The following RBM12B variants were observed in gnomAD, a reference collection of about 807,000 sequenced individuals.
RBM12B encodes the protein RNA binding motif protein 12B.
RBM12B carries 10 observed loss-of-function variants against 34.3 expected under a neutral mutation model. The observed-to-expected ratio is 0.29, with a 90% CI of 0.18 to 0.49. The LOEUF (loss-of-function observed/expected upper bound fraction) is 0.49, where lower values mean the gene tolerates loss of function less well. Among genes scored for constraint, RBM12B ranks in the 20% least tolerant of loss-of-function variants. The pLI, the probability that RBM12B is intolerant of heterozygous loss-of-function variation, is 0.99. For synonymous variants in RBM12B, 477 were observed against 437.1 expected, an observed-to-expected ratio of 1.09 and a Z score of -1.14; for missense variants, 1,139 against 1,262.7, an observed-to-expected ratio of 0.90 and a Z score of 1.48.
rs1178908084 is a variant in RBM12B at position 93,731,888 on chromosome 8, CTCTT to C, written c.*1513_*1516del. ...GGATAGAAAGAAACTTTTAAAGTCA[CTCTT>C]TTTTTTTTTATTAGTAATGTTAATG... On this transcript the variant is annotated 3_prime_UTR_variant, in exon 4 of 4. Transcript: ENST00000520560. 2.0e-5 allele frequency: 3 copies of C among 152,286 alleles called. No individual in the cohort carries two copies. The highest frequency in any genetic ancestry group is 2.0e-4 in the Admixed American group (3 of 15,240). The allele number at this position is 152,286 out of a possible 1,614,324, so 9.4% of individuals were successfully genotyped here. A position where few individuals can be genotyped will look rare whatever the true frequency, so the allele number is the denominator to read the frequency against.
In RBM12B at chr8:93,734,054, T is replaced by C. The variant is rs1004033113; in HGVS notation, c.2357A>G (p.His786Arg). ...PEHFRRPPQE[H>R]FRRPPQEHFR... The stretch of plus-strand genomic sequence containing the variant: ...ATGCTCCTGAGGCGGCCGCCTGAAA[T>C]GCTCCTGGGGCGGTCTCCGGAAGTG... Residue 786 changes from histidine to arginine, a missense_variant, in exon 4 of 4, where the codon CAT becomes CGT. Transcript: ENST00000520560. 2 of 1,591,546 alleles carry C rather than the reference T, an allele frequency of 1.3e-6. No homozygotes were observed. Among genetic ancestry groups the C allele is most frequent in the African/African-American group, 2.7e-5 (2 of 73,274 alleles).
chr8:93,740,189 A>G (rs73694909), intron 2 of RBM12B: 157 of 396,600 alleles, frequency 4.0e-4, no homozygotes, highest in African/African-American at 2.8e-3. Context: ...TAAAATAAAA[A>G]CCAAAGGAAT....
chr8:93,740,537 A>G (rs1360698015), intron 2 of RBM12B, 92 bp downstream of exon 2: 1 of 456,692 alleles, frequency 2.2e-6, no homozygotes, highest in Non-Finnish European at 4.4e-6. Flanking sequence ...ATCTAACTGA[A>G]AACACTTGCC....
At position 93,735,650 on chromosome 8, in the gene RBM12B, G is replaced by A. The variant is rs1230402595; in HGVS notation, c.761C>T (p.Ser254Phe). The A allele has an allele frequency of 3.7e-6, 6 of 1,613,950 alleles. No individual in the cohort carries two copies. Among genetic ancestry groups the A allele is most frequent in the Non-Finnish European group, 3.4e-6 (4 of 1,179,984 alleles). ...GDVLRRSEEH[S>F]PPRGINDRHF... The stretch of plus-strand genomic sequence containing the variant: ...TCTATCATTAATTCCTCTTGGTGGA[G>A]AATGTTCTTCAGATCTCCTAAGAAC... Residue 254 changes from serine (S) to phenylalanine (F), a missense_variant, in exon 4 of 4, where the codon TCT (serine) becomes TTT (phenylalanine). This residue lies in a region of RBM12B where 863 missense variants were observed against 869.5 expected (regional missense o/e 0.99). Coordinates refer to ENST00000520560, the MANE Select transcript of RBM12B (RefSeq NM_001377960.1).
intron 2 of RBM12B, 88 bp from the exon 3 acceptor site, chr8:93,737,443 A>G (rs1453962048): frequency 6.6e-6 from 1 of 152,228 alleles, no homozygotes; most frequent in Non-Finnish European, 1.5e-5. Flanking sequence ...TTTCAGAATT[A>G]CCTATCAAAA....
Position 93,728,253 on chromosome 8 carries a change from G to A in RBM12B, c.*5152C>T, listed in dbSNP as rs1811628112. ...GGATCAACAAGCAGAAGATGATGAG[G>A]ATGACGAGTTAGATGTTACAGAAGA... On this transcript the variant is annotated 3_prime_UTR_variant, in exon 4 of 4. Transcript: ENST00000520560. The A allele has an allele frequency of 1.3e-6, 2 of 1,598,436 alleles. No homozygotes were observed. The highest frequency in any genetic ancestry group is 1.4e-5 in the African/African-American group (1 of 73,500).
At position 93,735,952 on chromosome 8, in the gene RBM12B, C is replaced by A. The variant is rs761009205; in HGVS notation, c.459G>T (p.Glu153Asp). The A allele has an allele frequency of 1.6e-5, 26 of 1,614,208 alleles. No individual in the cohort carries two copies. In the South Asian group the frequency reaches 2.6e-4, roughly 16 times the overall value. ...RPRKTRPLKA[E>D]NPYLFLRGLP... ...AACCTCGTAGAAACAAGTAAGGATT[C>A]TCGGCCTTCAATGGCCTTGTCTTTC... is the stretch of plus-strand genomic sequence containing the variant. The change falls in exon 4 of 4, where the codon GAG (glutamate) becomes GAT (aspartate). Residue 153 changes from glutamate to aspartate, a missense_variant. By Grantham distance (45) the Glu-to-Asp change is conservative. Around this residue, in one of 3 missense-constraint regions of RBM12B, gnomAD observed 216 missense variants for 292.2 expected, o/e 0.74. Transcript: ENST00000520560.
Position 93,734,783 on chromosome 8 carries a change from G to T in RBM12B, c.1628C>A (p.Pro543His), listed in dbSNP as rs372481108. The T allele has an allele frequency of 1.9e-6, 3 of 1,614,136 alleles. No individual in the cohort carries two copies. The highest frequency in any genetic ancestry group is 2.5e-6 in the Non-Finnish European group (3 of 1,180,012). The change falls in exon 4 of 4, where the codon CCC (proline) becomes CAC (histidine). Residue 543 changes from proline to histidine, a missense_variant. Coordinates refer to ENST00000520560, the MANE Select transcript of RBM12B (RefSeq NM_001377960.1). The part of the protein sequence containing the change: ...DLRQLDNFKH[P>H]QRDFRQPDRH... Reference sequence around the variant, plus strand: ...GTCAGGCTGCCGGAAATCCCTCTGGGGATGCTTGAAGTTATCCAGTTGCCT... The same window carrying T: ...GTCAGGCTGCCGGAAATCCCTCTGGTGATGCTTGAAGTTATCCAGTTGCCT...
At position 93,733,356 on chromosome 8, in the gene RBM12B, C is replaced by T. The variant is rs751301683; in HGVS notation, c.*49G>A. 2 of 1,381,268 alleles carry T rather than the reference C, an allele frequency of 1.4e-6. No homozygotes were observed. Among genetic ancestry groups the T allele is most frequent in the Admixed American group, 2.6e-5 (1 of 38,182 alleles). 85.6% of individuals were successfully genotyped at this position (1,381,268 alleles called of 1,614,324 possible). ...ACTTTTTTAAAACAAATGTATTTTA[C>T]TCCATCAATACTGCAAGGAAGATAA... is the stretch of plus-strand genomic sequence containing the variant. On this transcript the variant is annotated 3_prime_UTR_variant, in exon 4 of 4. Transcript: ENST00000520560.
At chr8:93,737,422 T>C (rs1159610594) in intron 2 of RBM12B, 67 bp from the exon 3 acceptor site, 2 of 152,120 alleles carry the variant, frequency 1.3e-5, no homozygotes, top group East Asian at 1.9e-4. Context: ...AACGCCAGAG[T>C]AGGATATCCA....
rs186884628 is a variant in RBM12B, at chr8:93,729,757, A to G, written c.*3648T>C. ...AAGACTATTATACAGGTAACTATGTAACCATGTAAGACTTAAGTACACTTA... is the reference window on the plus strand; with the variant it reads ...AAGACTATTATACAGGTAACTATGTGACCATGTAAGACTTAAGTACACTTA... On this transcript the variant is annotated 3_prime_UTR_variant, in exon 4 of 4. Coordinates refer to ENST00000520560, the MANE Select transcript of RBM12B (RefSeq NM_001377960.1). 1 of 152,326 alleles carries G rather than the reference A, an allele frequency of 6.6e-6. No homozygotes were observed. Among genetic ancestry groups the G allele is most frequent in the African/African-American group, 2.4e-5 (1 of 41,578 alleles). 9.4% of individuals were successfully genotyped at this position (152,326 alleles called of 1,614,324 possible). A position where few individuals can be genotyped will look rare whatever the true frequency, so the allele number is the denominator to read the frequency against.
At chr8:93,738,236 G>A (rs537478807) in intron 2 of RBM12B, among the ~76,000 whole-genome samples, 13 of 152,216 alleles carry the variant, frequency 8.5e-5, no homozygotes, top group African/African-American at 3.1e-4. Flanking sequence ...TATTAATAAT[G>A]CCAATAGCAG....
rs1025590694 is a variant in RBM12B at position 93,732,077 on chromosome 8, C to T, written c.*1328G>A. ...AAAAGTGAGGCAGCAAAAGCATGAA[C>T]TGGAGTCAGTGGTCTGTCTGGGTTA... On this transcript the variant is annotated 3_prime_UTR_variant, in exon 4 of 4. Transcript: ENST00000520560. 1 of 152,170 alleles carries T rather than the reference C, an allele frequency of 6.6e-6. No individual in the cohort carries two copies. The highest frequency in any genetic ancestry group is 6.5e-5 in the Admixed American group (1 of 15,280). The allele number at this position is 152,170 out of a possible 1,614,324, so 9.4% of individuals were successfully genotyped here.
At position 93,734,549 on chromosome 8, in the gene RBM12B, C is replaced by T; in HGVS notation, c.1862G>A (p.Arg621Lys). Residue 621 changes from arginine to lysine, a missense_variant, in exon 4 of 4, where the codon AGG becomes AAG. Arg to Lys is a conservative substitution (Grantham distance 26). Around this residue, in one of 3 missense-constraint regions of RBM12B, gnomAD observed 863 missense variants for 869.5 expected, o/e 0.99. Coordinates refer to ENST00000520560, the MANE Select transcript of RBM12B (RefSeq NM_001377960.1). ...FRHPREEDWR[R>K]PLEEDWRRPL... ...CCGCCTCCAGTCCTCCTCAAGGGGC[C>T]TCCTCCAGTCCTCCTCCCTAGGGTG... 2 of 1,613,252 alleles carry T rather than the reference C, an allele frequency of 1.2e-6. No homozygotes were observed. The highest frequency in any genetic ancestry group is 1.3e-5 in the African/African-American group (1 of 74,826).
Position 93,734,683 on chromosome 8 carries a change from T to TGGGGAGTGCCTGAAGTCCTCC in RBM12B, c.1707_1727dup (p.His574_Arg580dup). ...CCTCCCTAGGTCGCCTGAAGTCCTCTGGGGAGTGCCTGAAGTCCTCCGGGG... is the reference window on the plus strand; with the variant it reads ...CCTCCCTAGGTCGCCTGAAGTCCTCTGGGGAGTGCCTGAAGTCCTCCGGGGAGTGCCTGAAGTCCTCCGGGG... On this transcript the variant is annotated inframe_insertion, in exon 4 of 4. Transcript: ENST00000520560. 6.2e-7 allele frequency: 1 copy of TGGGGAGTGCCTGAAGTCCTCC among 1,612,808 alleles called. No homozygotes were observed. Among genetic ancestry groups the TGGGGAGTGCCTGAAGTCCTCC allele is most frequent in the Non-Finnish European group, 8.5e-7 (1 of 1,179,388 alleles).
At chr8:93,740,764 A>T (rs1315573322) in intron 1 of RBM12B, 68 bp from the exon 2 acceptor site, 1 of 345,224 alleles carries the variant, frequency 2.9e-6, no homozygotes, top group Admixed American at 4.0e-5. Flanking sequence ...GAGCTACGCT[A>T]GATACTGGCG....
rs1488808507 is a variant in RBM12B at position 93,730,666 on chromosome 8, C to T, written c.*2739G>A. The T allele has an allele frequency of 6.6e-6, 1 of 152,022 alleles. No homozygotes were observed. The highest frequency in any genetic ancestry group is 1.5e-5 in the Non-Finnish European group (1 of 68,010). 9.4% of individuals were successfully genotyped at this position (152,022 alleles called of 1,614,324 possible). A position where few individuals can be genotyped will look rare whatever the true frequency, so the allele number is the denominator to read the frequency against. On this transcript the variant is annotated 3_prime_UTR_variant, in exon 4 of 4. Coordinates refer to ENST00000520560, the MANE Select transcript of RBM12B (RefSeq NM_001377960.1). ...TTGATTTGCTGCATTTATCACTTTC[C>T]ATGGTGTAAAATACTCCTGCCATGG...
At position 93,735,626 on chromosome 8, in the gene RBM12B, C is replaced by CT; in HGVS notation, c.784dup (p.Arg262LysfsTer35). On this transcript the variant is annotated frameshift_variant, in exon 4 of 4. Transcript: ENST00000520560. LOFTEE classifies it high-confidence loss of function. ...TGAATGAGACCGTTTTCGAAAATGT[C>CT]TATCATTAATTCCTCTTGGTGGAGA... 6.2e-7 allele frequency: 1 copy of CT among 1,614,098 alleles called. No individual in the cohort carries two copies. The highest frequency in any genetic ancestry group is 8.5e-7 in the Non-Finnish European group (1 of 1,179,988).
Position 93,733,780 on chromosome 8 carries a change from A to G in RBM12B, c.2631T>C (p.Asp877=). The stretch of plus-strand genomic sequence containing the variant: ...CAAAAGGGCGGTGACTTCTAAAATC[A>G]TCAGGCGGGCTCCTAAAATCCTCAC... ...PPGEDFRSPP[D]DFRSHRPFVN... Residue 877 remains aspartate (D), a synonymous_variant, in exon 4 of 4, where the codon GAT becomes GAC. Transcript: ENST00000520560. The G allele has an allele frequency of 1.2e-6, 2 of 1,614,182 alleles. No homozygotes were observed.
Sources: allele counts gnomAD v4.1 joint callset (sites outside exome capture counted in the v4.1 genomes callset), GRCh38; gene constraint gnomAD v4.1.1; regional missense constraint gnomAD v4.1.1; transcripts MANE v1.5; gene names NCBI Gene and HGNC (gene_info 2026-07-23, HGNC 2026-07-21).